The following PPFIA2 variants were observed in gnomAD, a reference collection of about 807,000 sequenced individuals.
The protein encoded by PPFIA2 is liprin-alpha-2.
PPFIA2 carries 46 observed loss-of-function variants against 175.5 expected under a neutral mutation model. The ratio of observed to expected loss-of-function variants is 0.26; its 90% CI spans 0.21 to 0.34. The LOEUF (loss-of-function observed/expected upper bound fraction) is 0.34, where lower values mean the gene tolerates loss of function less well. Among genes scored for constraint, PPFIA2 ranks in the 10% least tolerant of loss-of-function variants. The pLI is 1.00. For missense variants in PPFIA2, 1,179 were observed against 1,506.1 expected (o/e 0.78, Z 3.60); for synonymous variants, 568 against 511.4 (o/e 1.11, Z -1.49).
At chr12:81,618,429 T>C (rs1201585382) in intron 4 of PPFIA2, among the ~76,000 whole-genome samples, 2 of 150,988 alleles carry the variant, frequency 1.3e-5, no homozygotes, top group Non-Finnish European at 2.9e-5. Context: ...TTATTAAATT[T>C]AAAAGGTAGA....
At chr12:81,714,325 C>T (rs1596702234) in intron 3 of PPFIA2, among the ~76,000 whole-genome samples, 2 of 150,682 alleles carry the variant, frequency 1.3e-5, no homozygotes, top group African/African-American at 2.4e-5. Context: ...AGGATGACTT[C>T]GAAATTCTGG....
At chr12:81,745,611 G>A (rs1281715575) in intron 3 of PPFIA2, among the ~76,000 whole-genome samples, 2 of 152,122 alleles carry the variant, frequency 1.3e-5, no homozygotes, top group African/African-American at 2.4e-5. Context: ...CTTGGAACCT[G>A]GGCTTCTGCG....
intron 16 of PPFIA2, among the ~76,000 whole-genome samples, 177 bp from the exon 17 acceptor site, chr12:81,353,516 T>C (rs1398366023): frequency 6.6e-6 from 1 of 152,190 alleles, no homozygotes; most frequent in Non-Finnish European, 1.5e-5. Flanking sequence ...ACATCTTAAG[T>C]AATGTGAGGG....
chr12:81,283,436 C>A (rs1453405439), intron 25 of PPFIA2, among the ~76,000 whole-genome samples: 1 of 151,724 alleles, frequency 6.6e-6, no homozygotes, highest in African/African-American at 2.4e-5. Flanking sequence ...AGTGAAAAAA[C>A]TGTATCCCTC....
At chr12:81,267,819 C>A in intron 29 of PPFIA2, 93 bp downstream of exon 29, 3 of 1,017,240 alleles carry the variant, frequency 2.9e-6, no homozygotes, top group East Asian at 5.5e-5. Flanking sequence ...CTTTCATTAA[C>A]AATCATGAAT....
chr12:81,649,956 G>T (rs1291519494), intron 4 of PPFIA2, among the ~76,000 whole-genome samples: 1 of 152,082 alleles, frequency 6.6e-6, no homozygotes, highest in Non-Finnish European at 1.5e-5. Flanking sequence ...GATTGTCATG[G>T]TGATTAAAGA....
intron 4 of PPFIA2, among the ~76,000 whole-genome samples, chr12:81,561,607 T>A (rs1168848762): frequency 6.6e-6 from 1 of 152,220 alleles, no homozygotes; most frequent in African/African-American, 2.4e-5. Context: ...TTCCCCTCTC[T>A]CTGATAAATA....
intron 22 of PPFIA2, among the ~76,000 whole-genome samples, chr12:81,309,208 A>G (rs2050098530): frequency 6.6e-6 from 1 of 152,156 alleles, no homozygotes; most frequent in African/African-American, 2.4e-5. Flanking sequence ...CAACCAAAGA[A>G]TGGACTTATT....
At chr12:81,328,806 TTTTC>T (rs1243760865) in intron 21 of PPFIA2, among the ~76,000 whole-genome samples, 1 of 139,088 alleles carries the variant, frequency 7.2e-6, no homozygotes, top group Admixed American at 8.3e-5. Context: ...TTTTTTCTTT[TTTTC>T]TTTCTTTCTT....
chr12:81,460,954 G>A (rs1433518014), intron 4 of PPFIA2, among the ~76,000 whole-genome samples: 1 of 152,034 alleles, frequency 6.6e-6, no homozygotes, highest in Non-Finnish European at 1.5e-5. Flanking sequence ...ATTACGATAA[G>A]TTGTTTGTTT....
At chr12:81,405,374 T>G (rs563879924) in intron 8 of PPFIA2, among the ~76,000 whole-genome samples, 1 of 152,108 alleles carries the variant, frequency 6.6e-6, no homozygotes, top group Non-Finnish European at 1.5e-5. Flanking sequence ...TTATATCACT[T>G]ACAATTCAAA....
chr12:81,430,127 T>C (rs1386875596), intron 7 of PPFIA2: 1 of 152,082 alleles, frequency 6.6e-6, no homozygotes. Context: ...AGGAGTTCTA[T>C]TACTTGCCAT....
chr12:81,351,424 C>G (rs532355629), intron 17 of PPFIA2, among the ~76,000 whole-genome samples: 53 of 152,008 alleles, frequency 3.5e-4, no homozygotes, highest in African/African-American at 1.2e-3. Context: ...TAATGATCAG[C>G]CTGATTTGTT....
At chr12:81,596,680 G>C (rs948876697) in intron 4 of PPFIA2, among the ~76,000 whole-genome samples, 1 of 152,044 alleles carries the variant, frequency 6.6e-6, no homozygotes, top group Admixed American at 6.6e-5. Context: ...TACCCAAAGA[G>C]CCAGCTGCAG....
intron 4 of PPFIA2, among the ~76,000 whole-genome samples, chr12:81,460,455 C>T (rs1169600958): frequency 6.6e-6 from 1 of 151,992 alleles, no homozygotes; most frequent in Non-Finnish European, 1.5e-5. Flanking sequence ...AAAGAACTAA[C>T]ACAACTACAA....
chr12:81,303,602 T>A lies in PPFIA2; in HGVS notation c.2643-4220A>T, dbSNP rs1238301191. Among the ~76,000 whole-genome samples the A allele has an allele frequency of 2.0e-5, 3 of 152,310 alleles. No homozygotes were observed. The South Asian group carries it at 6.2e-4, about 32-fold the overall frequency. Reference sequence around the variant, plus strand: ...AGGCCTCAGGTTCTCCTATTATTGATATCAATAAGTTACTGTGACTAGAAA... The same window carrying A: ...AGGCCTCAGGTTCTCCTATTATTGAAATCAATAAGTTACTGTGACTAGAAA... On this transcript the variant is annotated intron_variant, in intron 22 of 32. Transcript: ENST00000549396.
chr12:81,391,485 G>T (rs1438525664), intron 8 of PPFIA2, among the ~76,000 whole-genome samples: 2 of 152,006 alleles, frequency 1.3e-5, no homozygotes, highest in Admixed American at 6.6e-5. Context: ...ATGACAAGGA[G>T]CCATCAAAGT....
chr12:81,561,163 GAAGA>G (rs891356898), intron 4 of PPFIA2, among the ~76,000 whole-genome samples: 1 of 152,088 alleles, frequency 6.6e-6, no homozygotes, highest in Non-Finnish European at 1.5e-5. Flanking sequence ...GTTTACATGA[GAAGA>G]AAGAAAGACC....
chr12:81,529,559 A>AAGAGAAAG (rs2064207089), intron 4 of PPFIA2, among the ~76,000 whole-genome samples: 1 of 145,692 alleles, frequency 6.9e-6, no homozygotes, highest in South Asian at 2.2e-4. Flanking sequence ...GGGCAGTGGA[A>AAGAGAAAG]AGAGAGAGAG....
Sources: gnomAD v4.1 joint callset for allele counts (sites outside exome capture counted in the v4.1 genomes callset) on GRCh38, gnomAD v4.1.1 for gene constraint, MANE v1.5 for transcripts, NCBI Gene and HGNC (gene_info 2026-07-23, HGNC 2026-07-21) for gene names.